Variants in FAM149B1 observed in about 807,000 individuals in gnomAD.
FAM149B1 encodes the protein primary cilium assembly protein FAM149B1.
A neutral mutation model predicts 75.3 loss-of-function variants in FAM149B1; 56 were observed. The ratio of observed to expected loss-of-function variants is 0.74; its 90% CI spans 0.60 to 0.93. The LOEUF (loss-of-function observed/expected upper bound fraction) is 0.93. FAM149B1 is among the 40% of genes least tolerant of loss of function. The probability of loss-of-function intolerance (pLI) is 0.00; values close to 1 mark genes in which losing one functional copy is unlikely to be tolerated. For synonymous variants in FAM149B1, 259 were observed against 256.1 expected (o/e 1.01, Z -0.11); for missense variants, 639 against 708.4 (o/e 0.90, Z 1.11).
In FAM149B1 at chr10:73,241,659, T is replaced by G. The variant is rs902928671; in HGVS notation, c.*640T>G. 6.6e-6 allele frequency: 1 copy of G among 152,354 alleles called. No individual in the cohort carries two copies. The highest frequency in any genetic ancestry group is 2.4e-5 in the African/African-American group (1 of 41,470). The allele number at this position is 152,354 out of a possible 1,614,324, so 9.4% of individuals were successfully genotyped here. ...TAGGACAGCTCAACCTTACGATGCCTACCTGATGCCAGGTGATGCTTATTT... is the reference window on the plus strand; with the variant it reads ...TAGGACAGCTCAACCTTACGATGCCGACCTGATGCCAGGTGATGCTTATTT... On this transcript the variant is annotated 3_prime_UTR_variant, in exon 14 of 14. Transcript: ENST00000242505.
At chr10:73,232,266 G>A (rs906145722) in intron 9 of FAM149B1, among the ~76,000 whole-genome samples, 1 of 152,156 alleles carries the variant, frequency 6.6e-6, no homozygotes, top group African/African-American at 2.4e-5. Context: ...TTAAGCTACT[G>A]AACTGTTTAG....
rs569995254 is a variant in FAM149B1 at position 73,189,701 on chromosome 10, C to CT, written c.283-2853dup. Among the ~76,000 whole-genome samples, 16 of 152,232 alleles carry CT rather than the reference C, an allele frequency of 1.1e-4. No individual in the cohort carries two copies. The East Asian group carries it at 2.3e-3, about 22-fold the overall frequency. On this transcript the variant is annotated intron_variant, in intron 3 of 13. Coordinates refer to ENST00000242505, the MANE Select transcript of FAM149B1 (RefSeq NM_173348.2). Reference sequence around the variant, plus strand: ...GAAGTTCTAGACCAGACAAAAGTAACTTACAGTGATAAAAATAAGTCAACA... The same window carrying CT: ...GAAGTTCTAGACCAGACAAAAGTAACTTTACAGTGATAAAAATAAGTCAACA...
intron 5 of FAM149B1, among the ~76,000 whole-genome samples, chr10:73,199,067 A>G (rs979535370): frequency 2.0e-5 from 3 of 152,216 alleles, no homozygotes; most frequent in African/African-American, 7.2e-5. Context: ...GAAACCTAGC[A>G]AAGTCATTTT....
At chr10:73,223,115 G>C (rs1256598197) in intron 7 of FAM149B1, among the ~76,000 whole-genome samples, 1 of 152,062 alleles carries the variant, frequency 6.6e-6, no homozygotes, top group Non-Finnish European at 1.5e-5. Flanking sequence ...GCAAGACCCT[G>C]TCTCTAAAAA....
At chr10:73,234,531 T>G (rs2043779182) in intron 10 of FAM149B1, 1 of 336,226 alleles carries the variant, frequency 3.0e-6, no homozygotes, top group Admixed American at 4.5e-5. Flanking sequence ...AGCAGAGAAG[T>G]GCAATACCAG....
At chr10:73,203,426 T>G (rs943837013) in intron 5 of FAM149B1, among the ~76,000 whole-genome samples, 2 of 152,220 alleles carry the variant, frequency 1.3e-5, no homozygotes, top group Non-Finnish European at 2.9e-5. Context: ...TTCTCTACCA[T>G]GTATGTATAT....
intron 7 of FAM149B1, among the ~76,000 whole-genome samples, chr10:73,212,863 GTT>G (rs752591734): frequency 1.5e-5 from 2 of 133,634 alleles, no homozygotes; most frequent in Non-Finnish European, 3.2e-5. Flanking sequence ...CTCTCTCTGT[GTT>G]TCTCTCTCTC....
Position 73,243,361 on chromosome 10 carries a change from T to C in FAM149B1, c.*2342T>C, listed in dbSNP as rs1235228414. ...TGCCTGCACCTTGCCTACGATGGCA[T>C]CAATTTACACCTAAGGACCTTTGAA... On this transcript the variant is annotated 3_prime_UTR_variant, in exon 14 of 14. Transcript: ENST00000242505. 1.7e-5 allele frequency: 28 copies of C among 1,608,922 alleles called. No homozygotes were observed. The highest frequency in any genetic ancestry group is 2.3e-5 in the Non-Finnish European group (27 of 1,178,876).
At chr10:73,237,713 C>T (rs2133414593) in intron 12 of FAM149B1, among the ~76,000 whole-genome samples, 1 of 152,262 alleles carries the variant, frequency 6.6e-6, no homozygotes, top group Non-Finnish European at 1.5e-5. Context: ...TGAGCCACCG[C>T]TCTCAGCCAA....
At chr10:73,194,209 A>G (rs1157413153) in intron 5 of FAM149B1, among the ~76,000 whole-genome samples, 1 of 152,100 alleles carries the variant, frequency 6.6e-6, no homozygotes, top group African/African-American at 2.4e-5. Flanking sequence ...ACCATATAAT[A>G]GTGCTTAAGG....
intron 7 of FAM149B1, among the ~76,000 whole-genome samples, chr10:73,212,306 G>T (rs1428791621): frequency 6.6e-6 from 1 of 152,134 alleles, no homozygotes; most frequent in Non-Finnish European, 1.5e-5. Flanking sequence ...TTGAGACAGA[G>T]TTTCACTCTT....
intron 3 of FAM149B1, among the ~76,000 whole-genome samples, chr10:73,183,774 C>T (rs2042457075): frequency 6.6e-6 from 1 of 152,146 alleles, no homozygotes. Flanking sequence ...ATCAATAGAA[C>T]TTTGGGTTAA....
intron 5 of FAM149B1, among the ~76,000 whole-genome samples, chr10:73,204,682 G>A (rs2043010646): frequency 6.6e-6 from 1 of 151,732 alleles, no homozygotes; most frequent in African/African-American, 2.4e-5. Context: ...TGCCCATAAG[G>A]AGCATATATT....
chr10:73,230,760 A>G (rs2043673773), intron 9 of FAM149B1: 1 of 415,434 alleles, frequency 2.4e-6, no homozygotes, highest in South Asian at 2.5e-5. Context: ...TTTGTAACTG[A>G]GTGCCATGTG....
intron 7 of FAM149B1, among the ~76,000 whole-genome samples, chr10:73,223,569 C>T (rs1345490087): frequency 6.6e-6 from 1 of 152,166 alleles, no homozygotes; most frequent in Non-Finnish European, 1.5e-5. Flanking sequence ...ATATGCTATT[C>T]TAACTTCAGT....
At chr10:73,234,120 A>C (rs1270593934) in intron 10 of FAM149B1, 1 of 152,246 alleles carries the variant, frequency 6.6e-6, no homozygotes. Context: ...AAATATCCTC[A>C]AAGGTATGAG....
At chr10:73,235,355 T>C in intron 12 of FAM149B1, 37 bp downstream of exon 12, 1 of 1,549,722 alleles carries the variant, frequency 6.5e-7, no homozygotes, top group Non-Finnish European at 8.7e-7. Flanking sequence ...TCTTGATAGT[T>C]GGGGAAAGAA....
chr10:73,232,894 C>A, intron 9 of FAM149B1, 45 bp from the exon 10 acceptor site: 2 of 1,146,172 alleles, frequency 1.7e-6, no homozygotes, highest in Non-Finnish European at 2.6e-6. Context: ...TCTTCCTTGA[C>A]ATACTGATCT....
At chr10:73,213,188 G>GTT (rs2043226207) in intron 7 of FAM149B1, among the ~76,000 whole-genome samples, 1 of 152,042 alleles carries the variant, frequency 6.6e-6, no homozygotes, top group African/African-American at 2.4e-5. Flanking sequence ...GTTATTTATT[G>GTT]TTTTCTTATT....
Sources: gnomAD v4.1 joint callset for allele counts (sites outside exome capture counted in the v4.1 genomes callset) on GRCh38, gnomAD v4.1.1 for gene constraint, MANE v1.5 for transcripts, NCBI Gene and HGNC (gene_info 2026-07-23, HGNC 2026-07-21) for gene names.